The following LCLAT1 variants were observed in gnomAD, a reference collection of about 807,000 sequenced individuals.
LCLAT1 encodes the protein lysocardiolipin acyltransferase 1.
A neutral mutation model predicts 30.7 loss-of-function variants in LCLAT1; 11 were observed. That is an observed-to-expected ratio of 0.36 (90% CI 0.23 to 0.59). The LOEUF (loss-of-function observed/expected upper bound fraction) is 0.59. LCLAT1 is among the 20% of genes least tolerant of loss of function. The probability of loss-of-function intolerance (pLI) is 0.77; values close to 1 mark genes in which losing one functional copy is unlikely to be tolerated. For synonymous variants in LCLAT1, 155 were observed against 151.3 expected (o/e 1.02, Z -0.18); for missense variants, 402 against 458.6 (o/e 0.88, Z 1.13).
intron 1 of LCLAT1, among the ~76,000 whole-genome samples, chr2:30,518,438 A>C (rs568030328): frequency 6.6e-5 from 10 of 152,192 alleles, no homozygotes; most frequent in Non-Finnish European, 1.0e-4. Flanking sequence ...AGCTGTTTGC[A>C]CTCAGCCAAG....
At chr2:30,545,255 G>A (rs537614156) in intron 3 of LCLAT1, among the ~76,000 whole-genome samples, 5 of 152,118 alleles carry the variant, frequency 3.3e-5, no homozygotes, top group African/African-American at 7.2e-5. Flanking sequence ...TGGCTGCATC[G>A]TAGTGGTCAA....
At chr2:30,451,616 A>T (rs1192131392) in intron 1 of LCLAT1, among the ~76,000 whole-genome samples, 1 of 126,162 alleles carries the variant, frequency 7.9e-6, no homozygotes. Context: ...TATTTATAAG[A>T]TGGAACACTG....
At position 30,487,185 on chromosome 2, in the gene LCLAT1, T is replaced by C. The variant is rs765714405; in HGVS notation, c.-4-38402T>C. ...AAGTGACTTTGCCTTATAATTCTTT[T>C]GTATTTCCCATGGTACCCAGCTAAG... is the stretch of plus-strand genomic sequence containing the variant. On this transcript the variant is annotated intron_variant, in intron 1 of 5. Transcript: ENST00000379509. Among the ~76,000 whole-genome samples the C allele has an allele frequency of 7.2e-5, 11 of 152,352 alleles. No individual in the cohort carries two copies. In the Middle Eastern group the frequency reaches 0.01, roughly 141 times the overall value.
At chr2:30,578,488 G>A (rs772005858) in intron 5 of LCLAT1, among the ~76,000 whole-genome samples, 9 of 152,020 alleles carry the variant, frequency 5.9e-5, no homozygotes, top group South Asian at 4.1e-4. Flanking sequence ...AAGGCAAAAC[G>A]GTCTTTCCTG....
At chr2:30,469,430 G>C (rs938642053) in intron 1 of LCLAT1, among the ~76,000 whole-genome samples, 1 of 151,978 alleles carries the variant, frequency 6.6e-6, no homozygotes, top group African/African-American at 2.4e-5. Context: ...TCCTTCTTTT[G>C]CATGTAGCTA....
chr2:30,552,661 A>G (rs1664734023), intron 3 of LCLAT1: 1 of 304,794 alleles, frequency 3.3e-6, no homozygotes, highest in South Asian at 2.7e-5. Flanking sequence ...TGAGTTCAGA[A>G]AAGATAGATC....
chr2:30,612,561 C>T (rs1222041357), intron 5 of LCLAT1, among the ~76,000 whole-genome samples: 1 of 152,126 alleles, frequency 6.6e-6, no homozygotes, highest in African/African-American at 2.4e-5. Context: ...TCATGAAGAA[C>T]CCCAGTGCTT....
At chr2:30,611,753 G>T (rs1667749195) in intron 5 of LCLAT1, among the ~76,000 whole-genome samples, 1 of 152,142 alleles carries the variant, frequency 6.6e-6, no homozygotes, top group Admixed American at 6.6e-5. Flanking sequence ...GTCAGCTGAG[G>T]GAAGTGGTTC....
Position 30,525,895 on chromosome 2 carries a change from T to G in LCLAT1, c.165+140T>G, listed in dbSNP as rs904359826. The G allele has an allele frequency of 1.1e-5, 7 of 665,600 alleles. No homozygotes were observed. The Admixed American group carries it at 1.1e-4, about 10-fold the overall frequency. 41.2% of individuals were successfully genotyped at this position (665,600 alleles called of 1,614,324 possible). ...ACATCCTTCTGTATGCTTTAAATAA[T>G]CTCTAGATTGCTTATAATACCGACT... On this transcript the variant is annotated intron_variant, in intron 2 of 5. Transcript: ENST00000379509.
chr2:30,536,163 T>A (rs1686231152), intron 3 of LCLAT1, among the ~76,000 whole-genome samples: 1 of 152,180 alleles, frequency 6.6e-6, no homozygotes, highest in African/African-American at 2.4e-5. Context: ...CATTAAGCGA[T>A]CAATTTTTGC....
intron 1 of LCLAT1, among the ~76,000 whole-genome samples, chr2:30,478,858 G>A (rs982969943): frequency 7.2e-5 from 11 of 152,158 alleles, no homozygotes; most frequent in Non-Finnish European, 1.5e-4. Flanking sequence ...AGATCTTTAG[G>A]TTAAGATTCA....
chr2:30,472,314 G>A (rs1175163171), intron 1 of LCLAT1, among the ~76,000 whole-genome samples: 1 of 152,164 alleles, frequency 6.6e-6, no homozygotes, highest in Non-Finnish European at 1.5e-5. Context: ...TGTTGGAGTT[G>A]ATAATTAAGC....
At chr2:30,477,764 A>G (rs1683120848) in intron 1 of LCLAT1, among the ~76,000 whole-genome samples, 1 of 152,212 alleles carries the variant, frequency 6.6e-6, no homozygotes. Context: ...CCAGCCTAGG[A>G]TTTTAAGAAG....
At chr2:30,465,062 C>T (rs775814756) in intron 1 of LCLAT1, among the ~76,000 whole-genome samples, 1 of 151,964 alleles carries the variant, frequency 6.6e-6, no homozygotes, top group Non-Finnish European at 1.5e-5. Context: ...AAATGGTTCT[C>T]TAAAATATTC....
intron 5 of LCLAT1, among the ~76,000 whole-genome samples, chr2:30,627,315 C>T (rs563460947): frequency 3.3e-5 from 5 of 152,090 alleles, no homozygotes; most frequent in East Asian, 1.9e-4. Flanking sequence ...TCTCATTATC[C>T]GCCTTATAAG....
At chr2:30,613,467 G>T (rs1667836876) in intron 5 of LCLAT1, among the ~76,000 whole-genome samples, 1 of 152,034 alleles carries the variant, frequency 6.6e-6, no homozygotes, top group Non-Finnish European at 1.5e-5. Flanking sequence ...ATTTTAAGGT[G>T]GAAGTGTAGG....
intron 1 of LCLAT1, among the ~76,000 whole-genome samples, chr2:30,508,997 T>C (rs1684810702): frequency 6.6e-6 from 1 of 152,246 alleles, no homozygotes; most frequent in Admixed American, 6.5e-5. Flanking sequence ...ACTGATTAAC[T>C]GTATTCCTAG....
At chr2:30,567,736 A>G (rs924011369) in intron 4 of LCLAT1, among the ~76,000 whole-genome samples, 2 of 152,198 alleles carry the variant, frequency 1.3e-5, no homozygotes, top group Admixed American at 6.5e-5. Flanking sequence ...TTAAAACTTA[A>G]GATGGGACTT....
At chr2:30,601,818 A>G (rs1667197280) in intron 5 of LCLAT1, among the ~76,000 whole-genome samples, 3 of 151,906 alleles carry the variant, frequency 2.0e-5, no homozygotes, top group Non-Finnish European at 2.9e-5. Context: ...CATGTCATAT[A>G]TATCTATAGA....
Sources: gnomAD v4.1 joint callset for allele counts (sites outside exome capture counted in the v4.1 genomes callset) on GRCh38, gnomAD v4.1.1 for gene constraint, MANE v1.5 for transcripts, NCBI Gene and HGNC (gene_info 2026-07-23, HGNC 2026-07-21) for gene names.